The following CRKL variants were observed in gnomAD, a reference collection of about 807,000 sequenced individuals.
CRKL encodes the protein CRK like proto-oncogene, adaptor protein, also known as crk-like protein.
CRKL carries 3 observed loss-of-function variants against 23.0 expected under a neutral mutation model. That is an observed-to-expected ratio of 0.13 (90% CI 0.06 to 0.34). The LOEUF (loss-of-function observed/expected upper bound fraction) is 0.34. Among genes scored for constraint, CRKL ranks in the 10% least tolerant of loss-of-function variants. The pLI is 1.00. For missense variants in CRKL, 256 were observed against 394.5 expected (o/e 0.65, Z 2.97); for synonymous variants, 188 against 160.7 (o/e 1.17, Z -1.28).
chr22:20,940,223 T>G (rs1343568835), intron 2 of CRKL, among the ~76,000 whole-genome samples: 1 of 152,094 alleles, frequency 6.6e-6, no homozygotes, highest in Non-Finnish European at 1.5e-5. Flanking sequence ...CAGATCTGCC[T>G]CTTATATCTA....
At chr22:20,947,000 A>G (rs1371764288) in intron 2 of CRKL, among the ~76,000 whole-genome samples, 1 of 152,194 alleles carries the variant, frequency 6.6e-6, no homozygotes, top group African/African-American at 2.4e-5. Context: ...AAACAGCATG[A>G]AGAATGATGA....
Position 20,943,007 on chromosome 22 carries a change from CA to C in CRKL, c.778-6695del, listed in dbSNP as rs895278748. ...ATATAAGGGCTCCCTTCTTCACCGCCAAAAAAAAATTCTTCCACATCCTCAT... is the reference window on the plus strand; with the variant it reads ...ATATAAGGGCTCCCTTCTTCACCGCCAAAAAAAATTCTTCCACATCCTCAT... On this transcript the variant is annotated intron_variant, in intron 2 of 2. Coordinates refer to ENST00000354336, the MANE Select transcript of CRKL (RefSeq NM_005207.4). 4.0e-4 allele frequency among the ~76,000 whole-genome samples: 61 copies of C among 150,746 alleles called. 1 individual carries two copies. Among genetic ancestry groups the C allele is most frequent in the Admixed American group, 3.6e-3 (54 of 15,146 alleles).
At chr22:20,925,054 G>T (rs1921146114) in intron 1 of CRKL, among the ~76,000 whole-genome samples, 1 of 152,028 alleles carries the variant, frequency 6.6e-6, no homozygotes, top group Non-Finnish European at 1.5e-5. Context: ...TGGGCGTGGT[G>T]GCATGCATCT....
Position 20,950,173 on chromosome 22 carries a change from G to T in CRKL, c.*328G>T, listed in dbSNP as rs1253174456. On this transcript the variant is annotated 3_prime_UTR_variant, in exon 3 of 3. Coordinates refer to ENST00000354336, the MANE Select transcript of CRKL (RefSeq NM_005207.4). ...CCCGTTTGTACATGGGACTGATTCT[G>T]TTGTGTTCACCAGAGAAAGCTTGAG... 1 of 320,066 alleles carries T rather than the reference G, an allele frequency of 3.1e-6. No individual in the cohort carries two copies. Among genetic ancestry groups the T allele is most frequent in the African/African-American group, 2.1e-5 (1 of 46,686 alleles). The allele number at this position is 320,066 out of a possible 1,614,324, so 19.8% of individuals were successfully genotyped here.
intron 1 of CRKL, among the ~76,000 whole-genome samples, chr22:20,929,798 C>T (rs182357741): frequency 8.1e-4 from 123 of 152,218 alleles, no homozygotes; most frequent in Non-Finnish European, 1.2e-3. Flanking sequence ...GGGGAGGGTG[C>T]TATTTTCAAC....
intron 2 of CRKL, among the ~76,000 whole-genome samples, chr22:20,934,496 A>C (rs1009269775): frequency 6.6e-6 from 1 of 152,278 alleles, no homozygotes; most frequent in Admixed American, 6.5e-5. Context: ...TCGACCTCCC[A>C]AAGTACTGGG....
rs1922315011 is a variant in CRKL at position 20,952,513 on chromosome 22, G to T, written c.*2668G>T. On this transcript the variant is annotated 3_prime_UTR_variant, in exon 3 of 3. Transcript: ENST00000354336. ...CAACCTTGTCAGTTTTTTTAATGAG[G>T]CAGGGATACTCTGTTTTTCACACTA... 2 of 231,506 alleles carry T rather than the reference G, an allele frequency of 8.6e-6. No homozygotes were observed. The highest frequency in any genetic ancestry group is 1.7e-5 in the Non-Finnish European group (2 of 116,790). 14.3% of individuals were successfully genotyped at this position (231,506 alleles called of 1,614,324 possible). A position where few individuals can be genotyped will look rare whatever the true frequency, so the allele number is the denominator to read the frequency against.
rs1243089893 is a variant in CRKL, at chr22:20,949,317, A to G, written c.778-394A>G. On this transcript the variant is annotated intron_variant, in intron 2 of 2. Transcript: ENST00000354336. ...ATTTTTCTATTTTTTAGAAGAGATG[A>G]GGTTTCACCATGTTGCCCAGGCTGG... Among the ~76,000 whole-genome samples, 3 of 152,116 alleles carry G rather than the reference A, an allele frequency of 2.0e-5. No homozygotes were observed. In the East Asian group the frequency reaches 5.8e-4, roughly 29 times the overall value.
chr22:20,929,387 G>A (rs909761763), intron 1 of CRKL, among the ~76,000 whole-genome samples: 16 of 152,048 alleles, frequency 1.1e-4, no homozygotes, highest in East Asian at 9.7e-4. Context: ...GGATGGTCTC[G>A]ATCTCCTGAC....
chr22:20,922,472 C>T (rs1456019040), intron 1 of CRKL, among the ~76,000 whole-genome samples: 2 of 152,008 alleles, frequency 1.3e-5, no homozygotes, highest in Non-Finnish European at 2.9e-5. Flanking sequence ...TTATTGTAAT[C>T]CAGCTACAAA....
intron 2 of CRKL, among the ~76,000 whole-genome samples, chr22:20,937,496 C>T (rs1921707712): frequency 1.4e-5 from 2 of 147,122 alleles, no homozygotes; most frequent in African/African-American, 5.1e-5. Flanking sequence ...CTCACTGGAG[C>T]GAGTACTAGG....
intron 1 of CRKL, among the ~76,000 whole-genome samples, chr22:20,920,069 G>A (rs1473530982): frequency 6.6e-6 from 1 of 152,176 alleles, no homozygotes; most frequent in African/African-American, 2.4e-5. Flanking sequence ...AGAACCCACT[G>A]TAGTGAGATT....
intron 1 of CRKL, among the ~76,000 whole-genome samples, chr22:20,930,629 G>T (rs1375611822): frequency 7.0e-6 from 1 of 142,460 alleles, no homozygotes; most frequent in East Asian, 2.1e-4. Flanking sequence ...TGATCCTCCC[G>T]CCTCGGCCTC....
intron 1 of CRKL, among the ~76,000 whole-genome samples, chr22:20,927,128 A>AAAAAAAAG (rs1921238619): frequency 7.9e-6 from 1 of 125,820 alleles, no homozygotes; most frequent in African/African-American, 2.9e-5. Flanking sequence ...AAAAAAAAAA[A>AAAAAAAAG]AAAAAAAAGA....
At position 20,928,755 on chromosome 22, in the gene CRKL, A is replaced by G. The variant is rs117478770; in HGVS notation, c.312-5024A>G. On this transcript the variant is annotated intron_variant, in intron 1 of 2. Transcript: ENST00000354336. Reference sequence around the variant, plus strand: ...TTGAGCCTTGGAGGTTGAGGCTGCAATGAGCCATGATTGTGCCTCTGCACT... The same window carrying G: ...TTGAGCCTTGGAGGTTGAGGCTGCAGTGAGCCATGATTGTGCCTCTGCACT... 2.4e-3 allele frequency among the ~76,000 whole-genome samples: 346 copies of G among 143,614 alleles called. 5 individuals are homozygous for G. In the East Asian group the frequency reaches 0.058, roughly 24 times the overall value. The allele number at this position is 143,614 out of a possible 152,430, so 94.2% of individuals were successfully genotyped here.
At chr22:20,926,728 G>C (rs1280598417) in intron 1 of CRKL, among the ~76,000 whole-genome samples, 1 of 152,080 alleles carries the variant, frequency 6.6e-6, no homozygotes, top group Non-Finnish European at 1.5e-5. Flanking sequence ...GCAGCCACAA[G>C]CATAGGAGGA....
chr22:20,933,715 A>G (rs923165879), intron 1 of CRKL, 64 bp from the exon 2 acceptor site: 2 of 1,303,066 alleles, frequency 1.5e-6, no homozygotes, highest in Non-Finnish European at 2.1e-6. Flanking sequence ...TATATTAAGA[A>G]GTTTGACAGG....
intron 1 of CRKL, among the ~76,000 whole-genome samples, chr22:20,923,158 A>G (rs1033659810): frequency 6.6e-6 from 1 of 152,196 alleles, no homozygotes; most frequent in Non-Finnish European, 1.5e-5. Flanking sequence ...TTGGCCCTTC[A>G]AGAAAATAAT....
intron 2 of CRKL, among the ~76,000 whole-genome samples, chr22:20,938,055 G>A (rs1015060803): frequency 1.2e-4 from 18 of 152,062 alleles, no homozygotes; most frequent in African/African-American, 4.3e-4. Flanking sequence ...TAGGATAGTG[G>A]TGCCTGTCTG....
Sources: gnomAD v4.1 joint callset for allele counts (sites outside exome capture counted in the v4.1 genomes callset) on GRCh38, gnomAD v4.1.1 for gene constraint, MANE v1.5 for transcripts, NCBI Gene and HGNC (gene_info 2026-07-23, HGNC 2026-07-21) for gene names.